LRMDA: variants seen among roughly 807,000 people sequenced by gnomAD.
LRMDA encodes leucine rich melanocyte differentiation associated, also known as leucine-rich melanocyte differentiation-associated protein.
Under a neutral mutation model 29.8 loss-of-function variants are expected in LRMDA, and 18 were observed. That is an observed-to-expected ratio of 0.60 (90% CI 0.42 to 0.90). The LOEUF (loss-of-function observed/expected upper bound fraction) is 0.90. Ranked by LOEUF, LRMDA falls within the 40% of genes least tolerant of loss-of-function variation. The probability of loss-of-function intolerance (pLI) is 0.00; values close to 1 mark genes in which losing one functional copy is unlikely to be tolerated. For missense variants in LRMDA, 273 were observed against 273.9 expected (o/e 1.00, Z 0.02); for synonymous variants, 125 against 109.4 (o/e 1.14, Z -0.89).
rs534683671 is a variant in LRMDA, at chr10:76,499,605, C to T, written c.602-57604C>T. Among the ~76,000 whole-genome samples the T allele has an allele frequency of 5.4e-5, 4 of 73,706 alleles. 1 individual carries two copies. The highest frequency in any genetic ancestry group is 9.0e-5 in the Non-Finnish European group (2 of 22,342). 48.4% of individuals were successfully genotyped at this position (73,706 alleles called of 152,430 possible). On this transcript the variant is annotated intron_variant, in intron 6 of 6. Coordinates refer to ENST00000611255, the MANE Select transcript of LRMDA (RefSeq NM_001305581.2). ...ATTAGTAAAATTATTTCTTATACACCCTTCTCCCAGATTTCCCAGTTATTA... is the reference window on the plus strand; with the variant it reads ...ATTAGTAAAATTATTTCTTATACACTCTTCTCCCAGATTTCCCAGTTATTA...
intron 2 of LRMDA, among the ~76,000 whole-genome samples, chr10:75,799,745 C>T (rs1048980878): frequency 2.0e-5 from 3 of 148,574 alleles, no homozygotes; most frequent in African/African-American, 5.0e-5. Context: ...GGGGTTTCAG[C>T]ATGTTGACCA....
chr10:76,201,838 C>G (rs1336737484), intron 5 of LRMDA, among the ~76,000 whole-genome samples: 1 of 152,160 alleles, frequency 6.6e-6, no homozygotes, highest in Non-Finnish European at 1.5e-5. Context: ...TGACTTAAAA[C>G]AGCAAATATT....
chr10:75,566,047 C>T (rs1165624988), intron 2 of LRMDA, among the ~76,000 whole-genome samples: 2 of 152,108 alleles, frequency 1.3e-5, no homozygotes, highest in East Asian at 3.9e-4. Flanking sequence ...TGCACTGCAG[C>T]CTGGGTGACA....
intron 6 of LRMDA, among the ~76,000 whole-genome samples, chr10:76,406,797 CCTT>C (rs1419981078): frequency 6.6e-6 from 1 of 152,104 alleles, no homozygotes; most frequent in African/African-American, 2.4e-5. Context: ...AAACATGAAA[CCTT>C]ATTATTGGTC....
At chr10:75,527,352 C>A (rs1316267760) in intron 2 of LRMDA, among the ~76,000 whole-genome samples, 7 of 152,102 alleles carry the variant, frequency 4.6e-5, no homozygotes, top group Non-Finnish European at 8.8e-5. Context: ...TGTGAACATT[C>A]TTGTGCAGCT....
chr10:75,859,676 G>A (rs1247986435), intron 2 of LRMDA, among the ~76,000 whole-genome samples: 1 of 149,536 alleles, frequency 6.7e-6, no homozygotes, highest in Non-Finnish European at 1.5e-5. Flanking sequence ...CTCATACATT[G>A]CAATTATTTT....
At chr10:75,892,654 G>A (rs1014235992) in intron 2 of LRMDA, among the ~76,000 whole-genome samples, 1 of 152,116 alleles carries the variant, frequency 6.6e-6, no homozygotes, top group Non-Finnish European at 1.5e-5. Context: ...AGCCGATAAT[G>A]TATCACATAC....
chr10:76,086,783 G>C (rs1272253286), intron 5 of LRMDA, among the ~76,000 whole-genome samples: 1 of 152,190 alleles, frequency 6.6e-6, no homozygotes, highest in Non-Finnish European at 1.5e-5. Flanking sequence ...ATTTATGAGT[G>C]ATGCTCCCAG....
chr10:76,017,097 G>T (rs943020753), intron 2 of LRMDA, among the ~76,000 whole-genome samples: 1 of 152,338 alleles, frequency 6.6e-6, no homozygotes, highest in African/African-American at 2.4e-5. Context: ...ACTGGAGCAG[G>T]GTAGGCCCCT....
At chr10:75,449,828 C>T (rs1057209928) in intron 2 of LRMDA, among the ~76,000 whole-genome samples, 1 of 152,184 alleles carries the variant, frequency 6.6e-6, no homozygotes, top group African/African-American at 2.4e-5. Context: ...GGCTCAACAA[C>T]TGCTGACTGT....
At chr10:75,830,976 A>G (rs996370160) in intron 2 of LRMDA, among the ~76,000 whole-genome samples, 11 of 152,228 alleles carry the variant, frequency 7.2e-5, no homozygotes, top group Admixed American at 6.5e-4. Context: ...GCCATTCTAA[A>G]TGGGAGAAAT....
intron 3 of LRMDA, among the ~76,000 whole-genome samples, chr10:76,043,420 T>C (rs900029936): frequency 2.0e-5 from 3 of 152,184 alleles, no homozygotes; most frequent in African/African-American, 7.2e-5. Context: ...TCCTACACAA[T>C]GTACCCTTAG....
intron 2 of LRMDA, among the ~76,000 whole-genome samples, chr10:75,741,745 C>T (rs967229807): frequency 6.6e-6 from 1 of 152,172 alleles, no homozygotes; most frequent in African/African-American, 2.4e-5. Context: ...TGGGTTCCAT[C>T]AACAAGTACA....
At chr10:76,370,511 T>C (rs1415080902) in intron 6 of LRMDA, among the ~76,000 whole-genome samples, 2 of 152,116 alleles carry the variant, frequency 1.3e-5, no homozygotes, top group African/African-American at 4.8e-5. Context: ...TTAAAGAAAA[T>C]AGCATATATT....
rs80023955 is a variant in LRMDA at position 76,237,455 on chromosome 10, A to G, written c.517-86946A>G. Among the ~76,000 whole-genome samples, 469 of 152,334 alleles carry G rather than the reference A, an allele frequency of 3.1e-3. 4 individuals carry two copies. Among genetic ancestry groups the G allele is most frequent in the African/African-American group, 0.011 (447 of 41,582 alleles). On this transcript the variant is annotated intron_variant, in intron 5 of 6. Coordinates refer to ENST00000611255, the MANE Select transcript of LRMDA (RefSeq NM_001305581.2). ...GACCCAAGGTTATCAGTAATCAGTG[A>G]TAAGATGTAGATTAGAGCTGATTAC...
chr10:75,617,979 C>A (rs966543597), intron 2 of LRMDA, among the ~76,000 whole-genome samples: 1 of 152,294 alleles, frequency 6.6e-6, no homozygotes, highest in East Asian at 1.9e-4. Context: ...AAACATCTTT[C>A]CTCTCTCCTA....
At chr10:76,127,830 T>C (rs1307079138) in intron 5 of LRMDA, among the ~76,000 whole-genome samples, 2 of 152,208 alleles carry the variant, frequency 1.3e-5, no homozygotes. Context: ...TAGTCCATGC[T>C]AAGCTTTAGT....
chr10:75,445,577 G>T (rs572741503), intron 2 of LRMDA, among the ~76,000 whole-genome samples: 1 of 151,742 alleles, frequency 6.6e-6, no homozygotes, highest in African/African-American at 2.4e-5. Context: ...TAGCCGGGTT[G>T]GTTCCTTAAT....
chr10:76,088,914 A>T (rs1412129022), intron 5 of LRMDA, among the ~76,000 whole-genome samples: 2 of 152,142 alleles, frequency 1.3e-5, no homozygotes, highest in Non-Finnish European at 2.9e-5. Flanking sequence ...TTCTTTCTAG[A>T]CAAAGCCCTC....
Sources: gnomAD v4.1 joint callset for allele counts (sites outside exome capture counted in the v4.1 genomes callset) on GRCh38, gnomAD v4.1.1 for gene constraint, MANE v1.5 for transcripts, NCBI Gene and HGNC (gene_info 2026-07-23, HGNC 2026-07-21) for gene names.